The following PDE6C variants were observed in gnomAD, a reference collection of about 807,000 sequenced individuals.
PDE6C encodes cone cGMP-specific 3',5'-cyclic phosphodiesterase subunit alpha'.
A neutral mutation model predicts 113.1 loss-of-function variants in PDE6C; 75 were observed. The ratio of observed to expected loss-of-function variants is 0.66; its 90% confidence interval spans 0.55 to 0.80. The LOEUF is 0.80. Among genes scored for constraint, PDE6C ranks in the 30% least tolerant of loss-of-function variants. The probability of loss-of-function intolerance (pLI) is 0.00; values close to 1 mark genes in which losing one functional copy is unlikely to be tolerated. For synonymous variants in PDE6C, 375 were observed against 363.7 expected (o/e 1.03, Z -0.35); for missense variants, 912 against 1,038.6 (o/e 0.88, Z 1.67).
chr10:93,629,973 A>G (rs1290912564), intron 8 of PDE6C, among the ~76,000 whole-genome samples: 1 of 152,080 alleles, frequency 6.6e-6, no homozygotes, highest in Non-Finnish European at 1.5e-5. Flanking sequence ...AGTTCCTGAC[A>G]CAGCATTCAT....
At chr10:93,620,331 C>A (rs909906130) in intron 1 of PDE6C, among the ~76,000 whole-genome samples, 3 of 152,156 alleles carry the variant, frequency 2.0e-5, no homozygotes, top group Non-Finnish European at 4.4e-5. Context: ...CCCCTCTCTT[C>A]CTCTTAGCAC....
rs372464685 is a variant in PDE6C, at chr10:93,612,932, G to C, written c.207G>C (p.Val69=). Residue 69 remains valine, a synonymous_variant, in exon 1 of 22, where the codon GTG becomes GTC. Coordinates refer to ENST00000371447, the MANE Select transcript of PDE6C (RefSeq NM_006204.4). ...SALCLELLWT[V]QEEGGTPEQG... The stretch of plus-strand genomic sequence containing the variant: ...TGTGCTTGGAGCTGCTGTGGACCGT[G>C]CAGGAGGAGGGGGGCACCCCAGAGC... The C allele has an allele frequency of 1.9e-6, 3 of 1,614,026 alleles. No individual in the cohort carries two copies. The Admixed American group carries it at 5.0e-5, about 27-fold the overall frequency.
Position 93,640,108 on chromosome 10 carries a change from C to T in PDE6C, c.1521C>T (p.Tyr507=), listed in dbSNP as rs746197485. The T allele has an allele frequency of 6.8e-6, 11 of 1,613,920 alleles. No individual in the cohort carries two copies. Among genetic ancestry groups the T allele is most frequent in the Non-Finnish European group, 4.2e-6 (5 of 1,179,810 alleles). The change falls in exon 12 of 22, where the codon TAC becomes TAT. Residue 507 remains tyrosine (Y), a synonymous_variant. Transcript: ENST00000371447. Reference sequence around the variant, plus strand: ...CAGACCCACGCTCAGCAGAACTGTACGAATTCCGCTTCAGTGACTTCCCCC... The same window carrying T: ...CAGACCCACGCTCAGCAGAACTGTATGAATTCCGCTTCAGTGACTTCCCCC... ...DLPDPRSAEL[Y]EFRFSDFPLT... is the part of the protein sequence containing the mutation.
At chr10:93,628,799 T>G (rs1281691565) in intron 7 of PDE6C, among the ~76,000 whole-genome samples, 1 of 152,150 alleles carries the variant, frequency 6.6e-6, no homozygotes, top group Admixed American at 6.5e-5. Flanking sequence ...AATCCTTACT[T>G]TGGTGTAACT....
chr10:93,654,636 A>G (rs1424680838), intron 15 of PDE6C, among the ~76,000 whole-genome samples: 1 of 151,936 alleles, frequency 6.6e-6, no homozygotes, highest in Non-Finnish European at 1.5e-5. Flanking sequence ...GTATTTTGTA[A>G]CTGTCAAATT....
At chr10:93,651,659 T>C (rs1043706778) in intron 15 of PDE6C, among the ~76,000 whole-genome samples, 7 of 152,182 alleles carry the variant, frequency 4.6e-5, no homozygotes, top group Non-Finnish European at 8.8e-5. Context: ...TTTGATTTTG[T>C]TTTCCGGAAG....
At position 93,645,870 on chromosome 10, in the gene PDE6C, G is replaced by C. The variant is rs368653603; in HGVS notation, c.1848-90G>C. On this transcript the variant is annotated intron_variant, in intron 14 of 21. Coordinates refer to ENST00000371447, the MANE Select transcript of PDE6C (RefSeq NM_006204.4). ...TCACAGATAATTGAGTGAGGAGGGAGAAGAGAGACATTAAGAAAAATCCTG... is the reference window on the plus strand; with the variant it reads ...TCACAGATAATTGAGTGAGGAGGGACAAGAGAGACATTAAGAAAAATCCTG... 15 of 767,456 alleles carry C rather than the reference G, an allele frequency of 2.0e-5. 1 individual carries two copies. The African/African-American group carries it at 2.4e-4, about 12-fold the overall frequency. The allele number at this position is 767,456 out of a possible 1,614,324, so 47.5% of individuals were successfully genotyped here. A position where few individuals can be genotyped will look rare whatever the true frequency, so the allele number is the denominator to read the frequency against.
At chr10:93,620,827 T>G (rs1213783013) in intron 2 of PDE6C, 43 bp downstream of exon 2, 1 of 1,613,648 alleles carries the variant, frequency 6.2e-7, no homozygotes, top group Non-Finnish European at 8.5e-7. Flanking sequence ...TCAGGAAATT[T>G]ATTTGTTGTA....
chr10:93,658,766 TCTGGCC>T, intron 16 of PDE6C, 129 bp from the exon 17 acceptor site: 1 of 677,030 alleles, frequency 1.5e-6, no homozygotes, highest in Admixed American at 2.2e-5. Flanking sequence ...TCTCGTATTT[TCTGGCC>T]CTGTAGACTT....
rs1314570639 is a variant in PDE6C, at chr10:93,620,519, C to T, written c.481-113C>T. 4.7e-6 allele frequency: 5 copies of T among 1,073,692 alleles called. No homozygotes were observed. The Admixed American group carries it at 5.2e-5, about 11-fold the overall frequency. 66.5% of individuals were successfully genotyped at this position (1,073,692 alleles called of 1,614,324 possible). On this transcript the variant is annotated intron_variant, in intron 1 of 21. Coordinates refer to ENST00000371447, the MANE Select transcript of PDE6C (RefSeq NM_006204.4). ...TTACTGGGGACCACTGTACTGGAGC[C>T]CTGGTTATCTGTTGGTAGCATTTAA...
chr10:93,629,840 T>A (rs1043647448), intron 8 of PDE6C, among the ~76,000 whole-genome samples: 1 of 152,238 alleles, frequency 6.6e-6, no homozygotes, highest in Middle Eastern at 3.4e-3. Context: ...TAAATACAGA[T>A]GAAGTTTCAC....
chr10:93,646,748 C>T (rs2058586358), intron 15 of PDE6C, among the ~76,000 whole-genome samples: 1 of 152,118 alleles, frequency 6.6e-6, no homozygotes, highest in Non-Finnish European at 1.5e-5. Context: ...TGGGGCTAAA[C>T]CATTCATAAG....
chr10:93,628,795 T>C (rs2058486511), intron 7 of PDE6C, among the ~76,000 whole-genome samples: 1 of 152,180 alleles, frequency 6.6e-6, no homozygotes, highest in Non-Finnish European at 1.5e-5. Flanking sequence ...ACTGAATCCT[T>C]ACTTTGGTGT....
At chr10:93,617,121 T>G (rs2058423675) in intron 1 of PDE6C, among the ~76,000 whole-genome samples, 2 of 152,300 alleles carry the variant, frequency 1.3e-5, no homozygotes, top group South Asian at 2.1e-4. Context: ...GATTTAGCAA[T>G]ACTGACATCT....
intron 14 of PDE6C, among the ~76,000 whole-genome samples, chr10:93,642,448 A>G (rs1191518937): frequency 6.6e-6 from 1 of 152,198 alleles, no homozygotes; most frequent in Non-Finnish European, 1.5e-5. Flanking sequence ...ATTCACCAGT[A>G]TTGCTCATGG....
chr10:93,655,610 CAAAAAA>C, intron 15 of PDE6C, 144 bp from the exon 16 acceptor site: 93 of 331,678 alleles, frequency 2.8e-4, no homozygotes, highest in East Asian at 1.1e-3. Flanking sequence ...AAAAGCAAGC[CAAAAAA>C]AAAAAAAAAA....
chr10:93,663,419 G>C (rs1266494967), intron 21 of PDE6C, among the ~76,000 whole-genome samples: 2 of 152,146 alleles, frequency 1.3e-5, no homozygotes, highest in African/African-American at 4.8e-5. Context: ...TTGGAGCTAG[G>C]CTTCTTCATC....
rs2134599230 is a variant in PDE6C at position 93,626,680 on chromosome 10, G to A, written c.980G>A (p.Gly327Glu). 6.2e-7 allele frequency: 1 copy of A among 1,603,492 alleles called. No homozygotes were observed. The highest frequency in any genetic ancestry group is 8.5e-7 in the Non-Finnish European group (1 of 1,170,412). Reference protein sequence around the residue: ...FYKIIDYILHGKEEIKVIPTP... With the variant: ...FYKIIDYILHEKEEIKVIPTP... ...AAAATCATTGATTACATTTTACATG[G>A]AAAAGAAGAGATCAAAGTGATTCCG... Residue 327 changes from glycine to glutamate, a missense_variant, in exon 6 of 22, where the codon GGA becomes GAA. Gly to Glu is a moderately conservative substitution (Grantham distance 98). Transcript: ENST00000371447.
At position 93,663,132 on chromosome 10, in the gene PDE6C, G is replaced by A; in HGVS notation, c.2472G>A (p.Lys824=). ...CTGATGAGTATGATGCAAAGATGAA[G>A]GTCATTGAAGAGGAGGCAAAAAAGC... ...SLADEYDAKM[K]VIEEEAKKQE... The change falls in exon 21 of 22, where the codon AAG becomes AAA. Residue 824 remains lysine, a synonymous_variant. Coordinates refer to ENST00000371447, the MANE Select transcript of PDE6C (RefSeq NM_006204.4). 6.2e-7 allele frequency: 1 copy of A among 1,613,722 alleles called. No homozygotes were observed. Among genetic ancestry groups the A allele is most frequent in the Non-Finnish European group, 8.5e-7 (1 of 1,179,806 alleles).
Sources: allele counts gnomAD v4.1 joint callset (sites outside exome capture counted in the v4.1 genomes callset), GRCh38; gene constraint gnomAD v4.1.1; transcripts MANE v1.5; gene names NCBI Gene and HGNC (gene_info 2026-07-23, HGNC 2026-07-21).